CPSF3: variants seen among roughly 807,000 people sequenced by gnomAD.
CPSF3 encodes the protein cleavage and polyadenylation specificity factor subunit 3.
In CPSF3, 57 loss-of-function variants were observed where a neutral mutation model predicts 84.1. That is an observed-to-expected ratio of 0.68 (90% CI 0.55 to 0.85). The LOEUF is 0.85. CPSF3 is among the 40% of genes least tolerant of loss of function. CPSF3 has a pLI of 0.00. For synonymous variants in CPSF3, 275 were observed against 278.1 expected (o/e 0.99, Z 0.11); for missense variants, 522 against 838.8 (o/e 0.62, Z 4.66).
At chr2:9,442,051 G>T (rs1680973297) in intron 9 of CPSF3, 75 bp downstream of exon 9, 2 of 1,456,686 alleles carry the variant, frequency 1.4e-6, no homozygotes, top group African/African-American at 2.8e-5. Context: ...ACAGGTTTTT[G>T]CACTGAAGTA....
intron 16 of CPSF3, among the ~76,000 whole-genome samples, chr2:9,469,349 C>G (rs573426613): frequency 2.0e-5 from 3 of 152,120 alleles, no homozygotes; most frequent in East Asian, 1.9e-4. Context: ...CTGGGACCCC[C>G]GGTTAAACAG....
At chr2:9,449,930 T>C (rs544741205) in intron 11 of CPSF3, among the ~76,000 whole-genome samples, 58 of 152,226 alleles carry the variant, frequency 3.8e-4, no homozygotes, top group African/African-American at 1.4e-3. Flanking sequence ...AAAAATTACA[T>C]ATATAATTTT....
At chr2:9,466,360 A>G (rs950268020) in intron 15 of CPSF3, among the ~76,000 whole-genome samples, 6 of 145,800 alleles carry the variant, frequency 4.1e-5, no homozygotes, top group Admixed American at 2.0e-4. Flanking sequence ...GCGCACACAC[A>G]CACGCACACA....
chr2:9,432,961 T>C (rs535528577), intron 5 of CPSF3, among the ~76,000 whole-genome samples: 192 of 152,272 alleles, frequency 1.3e-3, no homozygotes, highest in African/African-American at 4.4e-3. Flanking sequence ...CCTGACACCA[T>C]AGGATTCCGT....
chr2:9,448,645 C>T (rs531219935), intron 11 of CPSF3, among the ~76,000 whole-genome samples: 1 of 152,338 alleles, frequency 6.6e-6, no homozygotes, highest in South Asian at 2.1e-4. Context: ...CAACCTCCGC[C>T]TCCTGGGTTC....
At chr2:9,425,517 G>A (rs1049499543) in intron 1 of CPSF3, among the ~76,000 whole-genome samples, 1 of 152,198 alleles carries the variant, frequency 6.6e-6, no homozygotes, top group Non-Finnish European at 1.5e-5. Context: ...AGTGATGTGA[G>A]TGTGAGAGAG....
chr2:9,446,568 G>A (rs964784594), intron 10 of CPSF3, among the ~76,000 whole-genome samples: 9 of 134,834 alleles, frequency 6.7e-5, no homozygotes, highest in Non-Finnish European at 1.1e-4. Context: ...GCGACGGAGC[G>A]AGACTCGGTC....
intron 6 of CPSF3, among the ~76,000 whole-genome samples, chr2:9,435,720 T>C (rs1202298893): frequency 6.8e-6 from 1 of 147,778 alleles, no homozygotes; most frequent in Non-Finnish European, 1.5e-5. Context: ...CCCGGCCTCT[T>C]TTTGTTGTTG....
chr2:9,427,996 AT>A (rs1309022693), intron 1 of CPSF3, among the ~76,000 whole-genome samples: 2,140 of 141,530 alleles, frequency 0.015, 23 homozygotes, highest in African/African-American at 0.029. Context: ...AAAAAAAAAA[AT>A]TTTTTTTTTT....
rs375258847 is a variant in CPSF3 at position 9,457,430 on chromosome 2, G to A, written c.1698+403G>A. On this transcript the variant is annotated intron_variant, in intron 14 of 17. Coordinates refer to ENST00000238112, the MANE Select transcript of CPSF3 (RefSeq NM_016207.4). Reference sequence around the variant, plus strand: ...ATTAAAACAAACTTAGGTACCACTCGTTAAAAGAGCAGAATTTTGAAGATT... The same window carrying A: ...ATTAAAACAAACTTAGGTACCACTCATTAAAAGAGCAGAATTTTGAAGATT... Among the ~76,000 whole-genome samples the A allele has an allele frequency of 1.2e-4, 18 of 152,172 alleles. No homozygotes were observed. The East Asian group carries it at 1.5e-3, about 13-fold the overall frequency.
chr2:9,462,912 T>A (rs1224299389), intron 15 of CPSF3, among the ~76,000 whole-genome samples: 1 of 152,228 alleles, frequency 6.6e-6, no homozygotes, highest in Non-Finnish European at 1.5e-5. Context: ...CTTGTGTTTC[T>A]TAGTTCTTCC....
chr2:9,467,697 T>G lies in CPSF3; in HGVS notation c.1787-10T>G, dbSNP rs755851540. 4.1e-5 allele frequency: 66 copies of G among 1,598,304 alleles called. No homozygotes were observed. The highest frequency in any genetic ancestry group is 5.4e-5 in the Non-Finnish European group (63 of 1,173,210). On this transcript the variant is annotated splice_polypyrimidine_tract_variant and intron_variant, in intron 15 of 17. Coordinates refer to ENST00000238112, the MANE Select transcript of CPSF3 (RefSeq NM_016207.4). ...GAAACTGAACTCTCTGTCGCTTTTT[T>G]TTTTCCCAGGTGCAGTACAGAAGGT...
chr2:9,430,144 C>T (rs1372426703), intron 3 of CPSF3, 124 bp downstream of exon 3: 1 of 600,068 alleles, frequency 1.7e-6, no homozygotes, highest in Non-Finnish European at 2.9e-6. Context: ...ATATTGCAGA[C>T]ATCTGAGTCT....
At chr2:9,445,371 C>T (rs189273132) in intron 10 of CPSF3, among the ~76,000 whole-genome samples, 29 of 152,244 alleles carry the variant, frequency 1.9e-4, no homozygotes, top group East Asian at 1.5e-3. Context: ...GGTGGACACT[C>T]GGGTTGTGTC....
intron 15 of CPSF3, among the ~76,000 whole-genome samples, 167 bp downstream of exon 15, chr2:9,459,785 G>A (rs886395127): frequency 6.6e-6 from 1 of 151,474 alleles, no homozygotes; most frequent in Non-Finnish European, 1.5e-5. Context: ...AAGGTGTTGG[G>A]ATTATAGATG....
At chr2:9,450,648 C>T (rs941358020) in intron 11 of CPSF3, among the ~76,000 whole-genome samples, 7 of 152,030 alleles carry the variant, frequency 4.6e-5, no homozygotes, top group African/African-American at 2.4e-5. Flanking sequence ...ATTAGCCAGT[C>T]GTGGTTGTGC....
Position 9,423,699 on chromosome 2 carries a change from C to G in CPSF3, c.-75C>G. 6.4e-7 allele frequency: 1 copy of G among 1,562,516 alleles called. No individual in the cohort carries two copies. The highest frequency in any genetic ancestry group is 8.7e-7 in the Non-Finnish European group (1 of 1,147,234). ...ATGGGGTTCTTCCTTTTTTATTTAC[C>G]GGTGGCTGTGCTTCCAATTTAGGAA... On this transcript the variant is annotated 5_prime_UTR_variant, in exon 1 of 18. Transcript: ENST00000238112.
At chr2:9,466,335 CA>C (rs1681955736) in intron 15 of CPSF3, among the ~76,000 whole-genome samples, 2 of 59,566 alleles carry the variant, frequency 3.4e-5, no homozygotes, top group Non-Finnish European at 9.2e-5. Flanking sequence ...CAGACGCACG[CA>C]CACACGCGCG....
chr2:9,426,734 C>G (rs1305614967), intron 1 of CPSF3, among the ~76,000 whole-genome samples: 1 of 152,016 alleles, frequency 6.6e-6, no homozygotes, highest in African/African-American at 2.4e-5. Context: ...AGCAGGTACT[C>G]CTTAGGAGTG....
Sources: allele counts gnomAD v4.1 joint callset (sites outside exome capture counted in the v4.1 genomes callset), GRCh38; gene constraint gnomAD v4.1.1; transcripts MANE v1.5; gene names NCBI Gene and HGNC (gene_info 2026-07-23, HGNC 2026-07-21).